Variants in ACSS2 observed in about 807,000 individuals in gnomAD.
The protein encoded by ACSS2 is acyl-CoA synthetase short chain family member 2, also known as acetyl-coenzyme A synthetase, cytoplasmic.
ACSS2 carries 58 observed loss-of-function variants against 90.6 expected under a neutral mutation model. The observed-to-expected ratio is 0.64, with a 90% CI of 0.52 to 0.80. ACSS2 has a LOEUF of 0.80. ACSS2 is among the 30% of genes least tolerant of loss of function. The probability of loss-of-function intolerance (pLI) is 0.00; values close to 1 mark genes in which losing one functional copy is unlikely to be tolerated. For missense variants in ACSS2, 759 were observed against 912.0 expected (o/e 0.83, Z 2.16); for synonymous variants, 300 against 330.9 (o/e 0.91, Z 1.01).
chr20:34,885,333 C>A (rs1445942963), intron 2 of ACSS2, among the ~76,000 whole-genome samples: 1 of 152,194 alleles, frequency 6.6e-6, no homozygotes, highest in Non-Finnish European at 1.5e-5. Context: ...ACAGAATACA[C>A]AGGCCAGAGT....
rs763201560 is a variant in ACSS2 at position 34,923,430 on chromosome 20, T to A, written c.1656T>A (p.Asp552Glu). ...KKFPGYYVTG[D>E]GCQRDQDGYY... ...TTCCTGGATACTATGTTACAGGAGATGGTGAGCCTTAGCTATCCCCCTCTT... is the reference window on the plus strand; with the variant it reads ...TTCCTGGATACTATGTTACAGGAGAAGGTGAGCCTTAGCTATCCCCCTCTT... Residue 552 changes from aspartate (D) to glutamate (E), a missense_variant and splice_region_variant, in exon 14 of 18, where the codon GAT (aspartate) becomes GAA (glutamate). Asp to Glu is a conservative substitution (Grantham distance 45). Coordinates refer to ENST00000360596, the MANE Select transcript of ACSS2 (RefSeq NM_018677.4). 5 of 1,611,038 alleles carry A rather than the reference T, an allele frequency of 3.1e-6. No individual in the cohort carries two copies. The highest frequency in any genetic ancestry group is 8.5e-7 in the Non-Finnish European group (1 of 1,177,246).
chr20:34,920,807 A>T, intron 9 of ACSS2, 98 bp downstream of exon 9: 1 of 1,481,752 alleles, frequency 6.7e-7, no homozygotes, highest in Non-Finnish European at 9.1e-7. Context: ...GGGGACTTAT[A>T]CAATCATCTG....
intron 1 of ACSS2, 51 bp downstream of exon 1, chr20:34,876,874 G>C: frequency 8.3e-7 from 1 of 1,200,898 alleles, no homozygotes; most frequent in Non-Finnish European, 1.0e-6. Flanking sequence ...GAAGAGTGGG[G>C]GCTCCCTGGG....
rs758672345 is a variant in ACSS2 at position 34,926,931 on chromosome 20, G to C, written c.1958G>C (p.Gly653Ala). Reference sequence around the variant, plus strand: ...CCAGACTACATCCAGAATGCACCTGGCTTGCCTAAAACCCGCTCAGGTATG... The same window carrying C: ...CCAGACTACATCCAGAATGCACCTGCCTTGCCTAAAACCCGCTCAGGTATG... ...ATPDYIQNAPGLPKTRSGKIM... is the reference protein window; with the variant it reads ...ATPDYIQNAPALPKTRSGKIM... The change falls in exon 17 of 18, where the codon GGC (glycine) becomes GCC (alanine). Residue 653 changes from glycine (G) to alanine (A), a missense_variant. Coordinates refer to ENST00000360596, the MANE Select transcript of ACSS2 (RefSeq NM_018677.4). 7.4e-6 allele frequency: 12 copies of C among 1,614,162 alleles called. No homozygotes were observed. The highest frequency in any genetic ancestry group is 8.5e-6 in the Non-Finnish European group (10 of 1,180,026).
chr20:34,925,511 G>A (rs373905164), intron 14 of ACSS2, among the ~76,000 whole-genome samples, 187 bp from the exon 15 acceptor site: 36 of 152,258 alleles, frequency 2.4e-4, no homozygotes, highest in African/African-American at 8.4e-4. Context: ...AAAGAGGACT[G>A]CAGGGCTATG....
chr20:34,898,245 G>A (rs6087646), intron 2 of ACSS2, among the ~76,000 whole-genome samples: 81,796 of 151,324 alleles, frequency 0.54, 22,771 homozygotes, highest in South Asian at 0.73. Flanking sequence ...CTGCTGGCTG[G>A]GGCAGCCTGC....
chr20:34,918,946 A>G (rs1256311960), intron 7 of ACSS2, among the ~76,000 whole-genome samples: 1 of 152,228 alleles, frequency 6.6e-6, no homozygotes, highest in Non-Finnish European at 1.5e-5. Context: ...TCGGGAGGAA[A>G]GACATTTCAC....
chr20:34,924,400 G>A (rs952788768), intron 14 of ACSS2, among the ~76,000 whole-genome samples: 1 of 152,230 alleles, frequency 6.6e-6, no homozygotes, highest in Non-Finnish European at 1.5e-5. Flanking sequence ...GATGGCTACT[G>A]TACACAGGAT....
At chr20:34,914,244 C>A in intron 6 of ACSS2, 73 bp downstream of exon 6, 1 of 1,603,684 alleles carries the variant, frequency 6.2e-7, no homozygotes, top group Non-Finnish European at 8.5e-7. Context: ...TCCCCTCTAC[C>A]CTAAATGGAC....
At chr20:34,921,737 A>T in intron 12 of ACSS2, 49 bp from the exon 13 acceptor site, 1 of 1,610,292 alleles carries the variant, frequency 6.2e-7, no homozygotes, top group Non-Finnish European at 8.5e-7. Context: ...GAGTTGAGTC[A>T]GAGTTGCCTC....
chr20:34,891,655 T>A (rs1224192128), intron 2 of ACSS2, among the ~76,000 whole-genome samples: 3 of 152,268 alleles, frequency 2.0e-5, no homozygotes, highest in Middle Eastern at 3.4e-3. Flanking sequence ...GAAATACCTG[T>A]TGTTGGGAAC....
Position 34,919,576 on chromosome 20 carries a change from AGTGTGT to A in ACSS2, c.972+43_972+48del, listed in dbSNP as rs59343003. The A allele has an allele frequency of 0.053, 77,086 of 1,459,748 alleles. 213 individuals are homozygous for A. Among genetic ancestry groups the A allele is most frequent in the Middle Eastern group, 0.11 (434 of 3,986 alleles). 90.4% of individuals were successfully genotyped at this position (1,459,748 alleles called of 1,614,324 possible). A position where few individuals can be genotyped will look rare whatever the true frequency, so the allele number is the denominator to read the frequency against. On this transcript the variant is annotated splice_donor_5th_base_variant and intron_variant, in intron 8 of 17. Transcript: ENST00000360596. Reference sequence around the variant, plus strand: ...TGGCTCCACAGGCAAACCCAAGGCAAGTGTGTGTGTGTGTGTGTGTGTGTGTGTGTG... The same window carrying A: ...TGGCTCCACAGGCAAACCCAAGGCAAGTGTGTGTGTGTGTGTGTGTGTGTG...
intron 2 of ACSS2, among the ~76,000 whole-genome samples, chr20:34,888,422 C>T (rs751431504): frequency 2.3e-4 from 35 of 152,076 alleles, no homozygotes; most frequent in Non-Finnish European, 3.7e-4. Flanking sequence ...AAATATTAGC[C>T]ACCACAATTA....
At position 34,899,382 on chromosome 20, in the gene ACSS2, T is replaced by TTTTC. The variant is rs201244103; in HGVS notation, c.375-13697_375-13694dup. On this transcript the variant is annotated intron_variant, in intron 2 of 17. Transcript: ENST00000360596. ...GTCACCTCTCAACGTTATCACATTT[T>TTTTC]TTTCTTTCTTTCTTTCTTTCCTTCT... 6.2e-3 allele frequency among the ~76,000 whole-genome samples: 881 copies of TTTTC among 142,642 alleles called. 11 individuals are homozygous for TTTTC. Among genetic ancestry groups the TTTTC allele is most frequent in the South Asian group, 0.016 (72 of 4,468 alleles). The allele number at this position is 142,642 out of a possible 152,430, so 93.6% of individuals were successfully genotyped here.
intron 2 of ACSS2, among the ~76,000 whole-genome samples, chr20:34,899,470 T>TTCCTTCCTTC (rs1363808926): frequency 1.1e-3 from 118 of 107,666 alleles, no homozygotes; most frequent in Admixed American, 7.6e-3. Context: ...TTCCTTCCTT[T>TTCCTTCCTTC]CTTTTTCTTT....
chr20:34,914,458 C>T, intron 7 of ACSS2, 21 bp downstream of exon 7: 2 of 1,567,962 alleles, frequency 1.3e-6, no homozygotes, highest in South Asian at 1.2e-5. Flanking sequence ...CACTGCTATG[C>T]CTTTCTCCAG....
intron 2 of ACSS2, among the ~76,000 whole-genome samples, chr20:34,905,926 G>A (rs1468717732): frequency 6.6e-6 from 1 of 152,132 alleles, no homozygotes; most frequent in Non-Finnish European, 1.5e-5. Context: ...AAGAGGCCTG[G>A]ACCTTAAGTC....
intron 13 of ACSS2, among the ~76,000 whole-genome samples, chr20:34,922,591 C>T (rs1352537746): frequency 6.6e-6 from 1 of 152,158 alleles, no homozygotes; most frequent in African/African-American, 2.4e-5. Context: ...GCAACAAGAG[C>T]AAAATTCCGT....
chr20:34,891,356 G>T (rs1314827956), intron 2 of ACSS2, among the ~76,000 whole-genome samples: 2 of 152,160 alleles, frequency 1.3e-5, no homozygotes, highest in Non-Finnish European at 2.9e-5. Context: ...AGAATTCTAT[G>T]ACTGTTTCTG....
Sources: gnomAD v4.1 joint callset for allele counts (sites outside exome capture counted in the v4.1 genomes callset) on GRCh38, gnomAD v4.1.1 for gene constraint, MANE v1.5 for transcripts, NCBI Gene and HGNC (gene_info 2026-07-23, HGNC 2026-07-21) for gene names.